The following RTCB variants were observed in gnomAD, a reference collection of about 807,000 sequenced individuals.
RTCB encodes the protein RNA-splicing ligase RTCB.
RTCB carries 32 observed loss-of-function variants against 58.2 expected under a neutral mutation model. The ratio of observed to expected loss-of-function variants is 0.55; its 90% CI spans 0.41 to 0.74. RTCB has a LOEUF of 0.74. RTCB is among the 30% of genes least tolerant of loss of function. The pLI is 0.00. For missense variants in RTCB, 523 were observed against 639.0 expected, an observed-to-expected ratio of 0.82 and a Z score of 1.96; for synonymous variants, 247 against 218.6, an observed-to-expected ratio of 1.13 and a Z score of -1.15.
Position 32,388,098 on chromosome 22 carries a change from G to C in RTCB, c.1412C>G (p.Ala471Gly). 1 of 1,595,456 alleles carries C rather than the reference G, an allele frequency of 6.3e-7. No homozygotes were observed. Among genetic ancestry groups the C allele is most frequent in the Non-Finnish European group, 8.6e-7 (1 of 1,163,300 alleles). Reference sequence around the variant, plus strand: ...TGTCACATTCTTATAGGACTCAGGAGCCTGCAGGAGAGGAATTTAAACATT... The same window carrying C: ...TGTCACATTCTTATAGGACTCAGGACCCTGCAGGAGAGGAATTTAAACATT... ...VASPKLVMEE[A>G]PESYKNVTDV... The change falls in exon 12 of 12, where the codon GCT becomes GGT. Residue 471 changes from alanine to glycine, a missense_variant and splice_region_variant. Coordinates refer to ENST00000216038, the MANE Select transcript of RTCB (RefSeq NM_014306.5).
At position 32,399,603 on chromosome 22, in the gene RTCB, C is replaced by T; in HGVS notation, c.654G>A (p.Gln218=). 6.2e-7 allele frequency: 1 copy of T among 1,609,208 alleles called. No homozygotes were observed. Among genetic ancestry groups the T allele is most frequent in the Non-Finnish European group, 8.5e-7 (1 of 1,177,398 alleles). ...SARAKKRGLP[Q]LGTLGAGNHY... The stretch of plus-strand genomic sequence containing the variant: ...ATGTTGCCCCTCCAAAGTGAGTTAC[C>T]TGAGGAAGGCCTCTTTTCTTCGCCC... The change falls in exon 6 of 12, where the codon CAG becomes CAA. Residue 218 remains glutamine, a splice_region_variant and synonymous_variant. Transcript: ENST00000216038.
intron 7 of RTCB, among the ~76,000 whole-genome samples, chr22:32,397,507 G>A (rs886715710): frequency 6.6e-5 from 10 of 152,162 alleles, no homozygotes; most frequent in African/African-American, 2.2e-4. Context: ...TGAGTGCAAA[G>A]TATCTGCCTC....
chr22:32,399,543 C>T, intron 6 of RTCB, 60 bp downstream of exon 6: 6 of 1,462,464 alleles, frequency 4.1e-6, no homozygotes, highest in South Asian at 2.7e-5. Flanking sequence ...GATTTTTTTC[C>T]CCCAATAAAA....
At chr22:32,390,245 A>T (rs962397275) in intron 11 of RTCB, among the ~76,000 whole-genome samples, 1 of 152,204 alleles carries the variant, frequency 6.6e-6, no homozygotes, top group Non-Finnish European at 1.5e-5. Context: ...TCTTTTGTTC[A>T]CTGCAGTATC....
chr22:32,408,295 G>A (rs1933462669), intron 2 of RTCB, 53 bp from the exon 3 acceptor site: 5 of 1,421,816 alleles, frequency 3.5e-6, no homozygotes, highest in Middle Eastern at 1.7e-4. Context: ...TTTTTAGCAT[G>A]AATTATATTC....
In RTCB at chr22:32,412,183, C is replaced by A; in HGVS notation, c.-27G>T. ...GTGGCGAAAACTGTAGCAAAAACTCCCGGCTCCGCTTTGAAGAGCCGCTGC... is the reference window on the plus strand; with the variant it reads ...GTGGCGAAAACTGTAGCAAAAACTCACGGCTCCGCTTTGAAGAGCCGCTGC... On this transcript the variant is annotated 5_prime_UTR_variant, in exon 1 of 12. Coordinates refer to ENST00000216038, the MANE Select transcript of RTCB (RefSeq NM_014306.5). 6.4e-7 allele frequency: 1 copy of A among 1,560,720 alleles called. No homozygotes were observed. The highest frequency in any genetic ancestry group is 8.7e-7 in the Non-Finnish European group (1 of 1,150,694).
chr22:32,389,458 G>A (rs1351408805), intron 11 of RTCB, among the ~76,000 whole-genome samples: 1 of 152,130 alleles, frequency 6.6e-6, no homozygotes, highest in Non-Finnish European at 1.5e-5. Flanking sequence ...TGAGACTACA[G>A]GCATGTGCCA....
At position 32,399,636 on chromosome 22, in the gene RTCB, A is replaced by C. The variant is rs1933302561; in HGVS notation, c.621T>G (p.Val207=). 3 of 1,613,704 alleles carry C rather than the reference A, an allele frequency of 1.9e-6. No homozygotes were observed. The highest frequency in any genetic ancestry group is 2.5e-6 in the Non-Finnish European group (3 of 1,179,768). The change falls in exon 6 of 12, where the codon GTT becomes GTG. Residue 207 remains valine (V), a synonymous_variant. Coordinates refer to ENST00000216038, the MANE Select transcript of RTCB (RefSeq NM_014306.5). The part of the protein sequence containing the change: ...GRMLQADPNK[V]SARAKKRGLP... ...GGCCTCTTTTCTTCGCCCTTGCAGA[A>C]ACTTTATTGGGGTCAGCCTGCAGCA...
chr22:32,396,278 A>T, intron 7 of RTCB, 29 bp from the exon 8 acceptor site: 1 of 1,608,224 alleles, frequency 6.2e-7, no homozygotes, highest in Non-Finnish European at 8.5e-7. Flanking sequence ...AGTCCAAACC[A>T]GTTAGCTTTC....
intron 5 of RTCB, among the ~76,000 whole-genome samples, chr22:32,400,249 A>C (rs1303169419): frequency 6.6e-6 from 1 of 152,204 alleles, no homozygotes; most frequent in Non-Finnish European, 1.5e-5. Flanking sequence ...ACACAGGTTA[A>C]ATTTTAAGCT....
At position 32,400,958 on chromosome 22, in the gene RTCB, AAC is replaced by A. The variant is rs1469937349; in HGVS notation, c.497+787_497+788del. On this transcript the variant is annotated intron_variant, in intron 5 of 11. Transcript: ENST00000216038. ...ATATTTAATCCTCTACTTACCAAAG[AAC>A]ACATCCAGTGCTATCATTCAAAGAG... 2.0e-5 allele frequency among the ~76,000 whole-genome samples: 3 copies of A among 152,268 alleles called. No individual in the cohort carries two copies. The East Asian group carries it at 5.8e-4, about 29-fold the overall frequency.
chr22:32,392,800 T>C (rs1330061798), intron 10 of RTCB, among the ~76,000 whole-genome samples: 1 of 152,202 alleles, frequency 6.6e-6, no homozygotes, highest in Admixed American at 6.5e-5. Flanking sequence ...TTTGTGAAGG[T>C]CTGTCCTAGG....
intron 11 of RTCB, among the ~76,000 whole-genome samples, chr22:32,390,806 T>C (rs1228717180): frequency 1.3e-5 from 2 of 152,156 alleles, no homozygotes; most frequent in Admixed American, 6.5e-5. Context: ...GAAAAATGAA[T>C]TGTTATTAAA....
rs76107394 is a variant in RTCB, at chr22:32,399,968, C to T, written c.498-209G>A. 384 of 416,290 alleles carry T rather than the reference C, an allele frequency of 9.2e-4. 4 individuals are homozygous for T. In the East Asian group the frequency reaches 0.012, roughly 13 times the overall value. 25.8% of individuals were successfully genotyped at this position (416,290 alleles called of 1,614,324 possible). A position where few individuals can be genotyped will look rare whatever the true frequency, so the allele number is the denominator to read the frequency against. ...TAATTCCAATATAAAATGATAAATG[C>T]CCTATTAGACATCATTATAGTTCTA... is the stretch of plus-strand genomic sequence containing the variant. On this transcript the variant is annotated intron_variant, in intron 5 of 11. Coordinates refer to ENST00000216038, the MANE Select transcript of RTCB (RefSeq NM_014306.5).
At chr22:32,411,937 GA>G in intron 1 of RTCB, 126 bp downstream of exon 1, 4 of 675,302 alleles carry the variant, frequency 5.9e-6, no homozygotes, top group Middle Eastern at 4.2e-4. Context: ...AGAAGGACGG[GA>G]TGAGGGAAAC....
chr22:32,388,232 C>G (rs1055258232), intron 11 of RTCB, 133 bp from the exon 12 acceptor site: 7 of 575,874 alleles, frequency 1.2e-5, no homozygotes, highest in Non-Finnish European at 1.8e-5. Context: ...ATGAAATTAG[C>G]AAAAATTTAA....
At chr22:32,392,092 A>G (rs1460951694) in intron 11 of RTCB, 148 bp downstream of exon 11, 9 of 732,486 alleles carry the variant, frequency 1.2e-5, no homozygotes, top group Admixed American at 8.9e-5. Flanking sequence ...AAGCTAATCC[A>G]AGGAAGATAA....
At position 32,408,203 on chromosome 22, in the gene RTCB, T is replaced by C. The variant is rs752210819; in HGVS notation, c.212A>G (p.Asn71Ser). 45 of 1,614,046 alleles carry C rather than the reference T, an allele frequency of 2.8e-5. No homozygotes were observed. Among genetic ancestry groups the C allele is most frequent in the Middle Eastern group, 1.6e-4 (1 of 6,084 alleles). ...AACAATTCCAGGCAGGGCTGCCACA[T>C]TGCCAATCTGTTTCATGGCTGGCAG... ...GFLPAMKQIGNVAALPGIVHR... is the reference protein window; with the variant it reads ...GFLPAMKQIGSVAALPGIVHR... The change falls in exon 3 of 12, where the codon AAT becomes AGT. Residue 71 changes from asparagine (N) to serine (S), a missense_variant. Asn to Ser is a conservative substitution (Grantham distance 46). This residue lies in a region of RTCB where 134 missense variants were observed against 129.9 expected (regional missense o/e 1.03). Transcript: ENST00000216038.
rs1933222730 is a variant in RTCB, at chr22:32,395,080, C to T, written c.1125G>A (p.Lys375=). 6.2e-7 allele frequency: 1 copy of T among 1,614,186 alleles called. No homozygotes were observed. The highest frequency in any genetic ancestry group is 8.5e-7 in the Non-Finnish European group (1 of 1,180,028). The change falls in exon 9 of 12, where the codon AAG becomes AAA. Residue 375 remains lysine, a synonymous_variant. Transcript: ENST00000216038. ...GKERTLLVHR[K]GSTRAFPPHH... ...GAGGAGGGAAAGCGCGGGTGGATCC[C>T]TTCCTGTGTACTAACAGTGTCCGTT...
Sources: allele counts gnomAD v4.1 joint callset (sites outside exome capture counted in the v4.1 genomes callset), GRCh38; gene constraint gnomAD v4.1.1; regional missense constraint gnomAD v4.1.1; transcripts MANE v1.5; gene names NCBI Gene and HGNC (gene_info 2026-07-23, HGNC 2026-07-21).